Variants in PPP1R9A observed in about 807,000 individuals in gnomAD.
PPP1R9A encodes protein phosphatase 1 regulatory subunit 9A.
A neutral mutation model predicts 141.9 loss-of-function variants in PPP1R9A; 59 were observed. The ratio of observed to expected loss-of-function variants is 0.42; its 90% CI spans 0.34 to 0.52. The LOEUF (loss-of-function observed/expected upper bound fraction) is 0.52, where lower values mean the gene tolerates loss of function less well. Ranked by LOEUF, PPP1R9A falls within the 20% of genes least tolerant of loss-of-function variation. The pLI, the probability that PPP1R9A is intolerant of heterozygous loss-of-function variation, is 0.10. For missense variants in PPP1R9A, 1,444 were observed against 1,611.9 expected (o/e 0.90, Z 1.78); for synonymous variants, 500 against 569.7 (o/e 0.88, Z 1.74).
At chr7:95,116,427 CT>C (rs1466500246) in intron 3 of PPP1R9A, among the ~76,000 whole-genome samples, 24 of 151,792 alleles carry the variant, frequency 1.6e-4, no homozygotes, top group Non-Finnish European at 1.6e-4. Context: ...TCAATTTTTT[CT>C]ATGTAATCAC....
At chr7:95,271,437 A>G (rs1005470162) in intron 14 of PPP1R9A, among the ~76,000 whole-genome samples, 2 of 152,196 alleles carry the variant, frequency 1.3e-5, no homozygotes, top group African/African-American at 2.4e-5. Context: ...AAGTGAGGCA[A>G]AACTATCATG....
intron 2 of PPP1R9A, among the ~76,000 whole-genome samples, chr7:95,047,446 A>C (rs1046302657): frequency 2.0e-5 from 3 of 152,184 alleles, no homozygotes; most frequent in African/African-American, 4.8e-5. Context: ...TCAATTCTCC[A>C]GGATCTTTTT....
chr7:95,143,913 G>A (rs1827138130), intron 4 of PPP1R9A, among the ~76,000 whole-genome samples: 1 of 151,362 alleles, frequency 6.6e-6, no homozygotes, highest in Non-Finnish European at 1.5e-5. Flanking sequence ...ATTTTGATGT[G>A]CATATACATT....
intron 2 of PPP1R9A, among the ~76,000 whole-genome samples, chr7:94,925,001 A>G (rs554891603): frequency 7.4e-4 from 112 of 152,304 alleles, no homozygotes; most frequent in Non-Finnish European, 1.2e-3. Flanking sequence ...TCCATATCCT[A>G]TATTTAACTT....
At chr7:95,208,506 C>T (rs1263816168) in intron 7 of PPP1R9A, among the ~76,000 whole-genome samples, 6 of 151,994 alleles carry the variant, frequency 3.9e-5, no homozygotes, top group South Asian at 4.1e-4. Context: ...AGGTGGATCA[C>T]GAGGTCAGGA....
chr7:95,205,868 G>C (rs1457879250), intron 7 of PPP1R9A, among the ~76,000 whole-genome samples: 1 of 151,984 alleles, frequency 6.6e-6, no homozygotes, highest in East Asian at 1.9e-4. Context: ...ATGGGCTTTT[G>C]CTTGCTACAG....
At position 95,252,336 on chromosome 7, in the gene PPP1R9A, A is replaced by T. The variant is rs561283561; in HGVS notation, c.2665+206A>T. On this transcript the variant is annotated intron_variant, in intron 12 of 19. Coordinates refer to ENST00000433360, the MANE Select transcript of PPP1R9A (RefSeq NM_001166160.2). ...TTAATATGTAGCATTAACAAATCAC[A>T]ACTAAAGATAAGCCAAATACTATTT... Among the ~76,000 whole-genome samples, 78 of 152,262 alleles carry T rather than the reference A, an allele frequency of 5.1e-4. 2 individuals carry two copies. The highest frequency in any genetic ancestry group is 1.9e-3 in the African/African-American group (77 of 41,548).
chr7:95,081,625 G>A (rs1248948279), intron 2 of PPP1R9A, among the ~76,000 whole-genome samples: 2 of 152,140 alleles, frequency 1.3e-5, no homozygotes, highest in African/African-American at 2.4e-5. Flanking sequence ...TCCCTGAAAG[G>A]TGCATTAGTA....
intron 8 of PPP1R9A, among the ~76,000 whole-genome samples, chr7:95,229,496 C>G (rs1025781799): frequency 6.6e-6 from 1 of 151,922 alleles, no homozygotes; most frequent in African/African-American, 2.4e-5. Flanking sequence ...TGACTTCCGG[C>G]TTTCCCCCAC....
At chr7:95,267,143 A>G (rs1801424486) in intron 12 of PPP1R9A, among the ~76,000 whole-genome samples, 1 of 152,126 alleles carries the variant, frequency 6.6e-6, no homozygotes, top group Non-Finnish European at 1.5e-5. Context: ...TGTTAGAGCC[A>G]TATACTAAGT....
chr7:95,160,892 T>C (rs1563334529), intron 4 of PPP1R9A, among the ~76,000 whole-genome samples: 1 of 152,260 alleles, frequency 6.6e-6, no homozygotes. Flanking sequence ...TTCCACAGTG[T>C]ATATCTACCA....
chr7:94,948,719 T>C (rs1244452936), intron 2 of PPP1R9A, among the ~76,000 whole-genome samples: 3 of 152,142 alleles, frequency 2.0e-5, no homozygotes, highest in Non-Finnish European at 4.4e-5. Context: ...GTAACTTCTC[T>C]TTGTGCATCC....
chr7:95,131,990 A>G (rs1275618580), intron 4 of PPP1R9A, among the ~76,000 whole-genome samples: 1 of 152,096 alleles, frequency 6.6e-6, no homozygotes, highest in Non-Finnish European at 1.5e-5. Flanking sequence ...AGCTTTCAAC[A>G]TGAGTGGTAT....
chr7:95,189,306 G>A (rs892103870), intron 5 of PPP1R9A, among the ~76,000 whole-genome samples: 3 of 151,812 alleles, frequency 2.0e-5, no homozygotes, highest in Admixed American at 2.0e-4. Context: ...TCATCTTTTT[G>A]TGATTTATTT....
chr7:95,226,153 G>A, intron 8 of PPP1R9A, 37 bp downstream of exon 8: 1 of 1,568,588 alleles, frequency 6.4e-7, no homozygotes. Flanking sequence ...CTTTATGCCT[G>A]TCCATTTCAT....
Position 95,082,119 on chromosome 7 carries a change from T to G in PPP1R9A, c.1396-29140T>G, listed in dbSNP as rs182082358. Among the ~76,000 whole-genome samples the G allele has an allele frequency of 3.3e-3, 503 of 152,328 alleles. 1 individual carries two copies. The highest frequency in any genetic ancestry group is 6.9e-3 in the Admixed American group (106 of 15,302). Reference sequence around the variant, plus strand: ...ACTCAGTGCTAACACGTTGTTTTTTTGGGGCGAGGTGTGAAAGAGGGGTGT... The same window carrying G: ...ACTCAGTGCTAACACGTTGTTTTTTGGGGGCGAGGTGTGAAAGAGGGGTGT... On this transcript the variant is annotated intron_variant, in intron 2 of 19. Transcript: ENST00000433360.
chr7:95,267,583 A>C (rs1801496135), intron 12 of PPP1R9A, among the ~76,000 whole-genome samples: 1 of 152,102 alleles, frequency 6.6e-6, no homozygotes, highest in Admixed American at 6.6e-5. Context: ...CTAGGTAGCA[A>C]AATTAAAGGT....
At chr7:95,043,376 G>C (rs1450179480) in intron 2 of PPP1R9A, among the ~76,000 whole-genome samples, 1 of 152,202 alleles carries the variant, frequency 6.6e-6, no homozygotes, top group African/African-American at 2.4e-5. Context: ...ATTTTGGACA[G>C]TAATAACATA....
chr7:95,168,256 G>A (rs1831568461), intron 5 of PPP1R9A, among the ~76,000 whole-genome samples: 1 of 152,074 alleles, frequency 6.6e-6, no homozygotes, highest in Non-Finnish European at 1.5e-5. Context: ...ATGGCCAACT[G>A]ATTTTTGACA....
Sources: allele counts gnomAD v4.1 joint callset (sites outside exome capture counted in the v4.1 genomes callset), GRCh38; gene constraint gnomAD v4.1.1; transcripts MANE v1.5; gene names NCBI Gene and HGNC (gene_info 2026-07-23, HGNC 2026-07-21).